Variants in ATRNL1 observed in about 807,000 individuals in gnomAD.
ATRNL1 encodes attractin-like protein 1.
ATRNL1 carries 95 observed loss-of-function variants against 182.7 expected under a neutral mutation model. That is an observed-to-expected ratio of 0.52 (90% CI 0.44 to 0.62). The LOEUF (loss-of-function observed/expected upper bound fraction) is 0.62, where lower values mean the gene tolerates loss of function less well. Ranked by LOEUF, ATRNL1 falls within the 20% of genes least tolerant of loss-of-function variation. The pLI is 0.00. For missense variants in ATRNL1, 1,471 were observed against 1,679.5 expected, an observed-to-expected ratio of 0.88 and a Z score of 2.17; for synonymous variants, 576 against 568.3, an observed-to-expected ratio of 1.01 and a Z score of -0.19.
intron 27 of ATRNL1, among the ~76,000 whole-genome samples, chr10:115,783,941 A>T (rs7915580): frequency 0.56 from 85,792 of 151,870 alleles, 24,518 homozygotes; most frequent in East Asian, 0.75. Flanking sequence ...TGAACCTGGG[A>T]GGCTGAGGTT....
At chr10:115,871,915 C>A (rs1367491663) in intron 28 of ATRNL1, among the ~76,000 whole-genome samples, 4 of 152,090 alleles carry the variant, frequency 2.6e-5, no homozygotes, top group Admixed American at 6.5e-5. Context: ...AATTTAAACT[C>A]CCATGCTGGG....
At chr10:115,287,141 A>C (rs1487016976) in intron 15 of ATRNL1, among the ~76,000 whole-genome samples, 3 of 152,032 alleles carry the variant, frequency 2.0e-5, no homozygotes, top group Admixed American at 2.0e-4. Context: ...GAAGCATTGT[A>C]GATAGCATAT....
At chr10:115,462,866 T>C (rs1269622223) in intron 22 of ATRNL1, among the ~76,000 whole-genome samples, 1 of 152,036 alleles carries the variant, frequency 6.6e-6, no homozygotes, top group Non-Finnish European at 1.5e-5. Context: ...GTAAAGACTC[T>C]TAGGTTGTGT....
chr10:115,861,817 A>C (rs1392884222), intron 28 of ATRNL1, among the ~76,000 whole-genome samples: 1 of 152,096 alleles, frequency 6.6e-6, no homozygotes, highest in Non-Finnish European at 1.5e-5. Context: ...TTTTCTCAAA[A>C]ATGAGGCCAG....
chr10:115,376,503 T>G (rs1420699660), intron 19 of ATRNL1, among the ~76,000 whole-genome samples: 1 of 152,070 alleles, frequency 6.6e-6, no homozygotes, highest in Non-Finnish European at 1.5e-5. Flanking sequence ...GGACTACGGA[T>G]GCATGCTACC....
chr10:115,181,899 C>T (rs549800495), intron 8 of ATRNL1, among the ~76,000 whole-genome samples: 36 of 151,576 alleles, frequency 2.4e-4, no homozygotes, highest in Middle Eastern at 3.4e-3. Flanking sequence ...AAAGATCTTT[C>T]GCAGTAATTA....
intron 26 of ATRNL1, among the ~76,000 whole-genome samples, chr10:115,600,889 CAG>C (rs1856552046): frequency 6.8e-6 from 1 of 148,030 alleles, no homozygotes; most frequent in South Asian, 2.1e-4. Flanking sequence ...AAGTTAATTT[CAG>C]AGTCTGATGT....
intron 27 of ATRNL1, among the ~76,000 whole-genome samples, chr10:115,797,978 C>T (rs1249345968): frequency 2.6e-5 from 4 of 152,100 alleles, no homozygotes; most frequent in Non-Finnish European, 5.9e-5. Flanking sequence ...AGTGCAGTGG[C>T]ACGATCTCCG....
chr10:115,594,900 A>G (rs1306168187), intron 26 of ATRNL1, among the ~76,000 whole-genome samples: 4 of 152,198 alleles, frequency 2.6e-5, no homozygotes, highest in African/African-American at 4.8e-5. Flanking sequence ...GGTACATGAC[A>G]TCCTTCTTGA....
intron 27 of ATRNL1, among the ~76,000 whole-genome samples, chr10:115,736,522 T>G (rs1947955982): frequency 6.6e-6 from 1 of 152,168 alleles, no homozygotes; most frequent in Admixed American, 6.5e-5. Flanking sequence ...CTGAAATCCT[T>G]GGAAATCTAA....
intron 27 of ATRNL1, among the ~76,000 whole-genome samples, chr10:115,841,464 G>C (rs139766878): frequency 1.4e-3 from 213 of 152,226 alleles, no homozygotes; most frequent in Middle Eastern, 6.8e-3. Flanking sequence ...TCAGCAAGGA[G>C]AGATATTTGG....
intron 1 of ATRNL1, among the ~76,000 whole-genome samples, chr10:115,097,230 T>TC (rs1165927731): frequency 1.3e-5 from 2 of 152,284 alleles, no homozygotes; most frequent in East Asian, 3.9e-4. Flanking sequence ...AGGCCTGTAA[T>TC]CCCAGCACTT....
chr10:115,457,962 A>G (rs1847609820), intron 21 of ATRNL1, among the ~76,000 whole-genome samples: 1 of 151,882 alleles, frequency 6.6e-6, no homozygotes, highest in Admixed American at 6.6e-5. Flanking sequence ...CTTCATGCTA[A>G]TTTTTCATTT....
chr10:115,456,983 G>A (rs533569872), intron 21 of ATRNL1, among the ~76,000 whole-genome samples: 10 of 152,216 alleles, frequency 6.6e-5, no homozygotes, highest in Non-Finnish European at 1.5e-4. Context: ...TGTTCAGCAA[G>A]TGGAATGAAG....
chr10:115,101,977 T>A (rs1247098400), intron 1 of ATRNL1, among the ~76,000 whole-genome samples: 1 of 152,230 alleles, frequency 6.6e-6, no homozygotes, highest in Admixed American at 6.5e-5. Context: ...ATAATGTGTA[T>A]TCTTCTATTG....
chr10:115,273,212 C>A (rs1225908657), intron 13 of ATRNL1, among the ~76,000 whole-genome samples: 1 of 152,174 alleles, frequency 6.6e-6, no homozygotes, highest in Non-Finnish European at 1.5e-5. Context: ...TGCATAATCT[C>A]CATCCCTGCC....
chr10:115,914,723 T>A (rs1477163085), intron 28 of ATRNL1, among the ~76,000 whole-genome samples: 1 of 152,188 alleles, frequency 6.6e-6, no homozygotes, highest in Non-Finnish European at 1.5e-5. Context: ...CATTTTATGT[T>A]TCTTTTCCCG....
At chr10:115,751,267 C>T (rs1190620581) in intron 27 of ATRNL1, among the ~76,000 whole-genome samples, 1 of 152,028 alleles carries the variant, frequency 6.6e-6, no homozygotes, top group East Asian at 1.9e-4. Flanking sequence ...GGATTTTCTC[C>T]TGGAGCCTCT....
In ATRNL1 at chr10:115,480,910, A is replaced by G. The variant is rs372378055; in HGVS notation, c.3654+11581A>G. ...GTTTGAATTAGGTGAGATGGTATAA[A>G]TGTAAAATCTGCTTTTCTAAGAAAA... On this transcript the variant is annotated intron_variant, in intron 24 of 28. Transcript: ENST00000355044. Among the ~76,000 whole-genome samples, 4 of 151,180 alleles carry G rather than the reference A, an allele frequency of 2.6e-5. No homozygotes were observed. In the East Asian group the frequency reaches 5.8e-4, roughly 22 times the overall value.
Sources: gnomAD v4.1 joint callset for allele counts (sites outside exome capture counted in the v4.1 genomes callset) on GRCh38, gnomAD v4.1.1 for gene constraint, MANE v1.5 for transcripts, NCBI Gene and HGNC (gene_info 2026-07-23, HGNC 2026-07-21) for gene names.